Variants in ANXA13 observed in about 807,000 individuals in gnomAD.
The protein encoded by ANXA13 is annexin XIII.
ANXA13 carries 36 observed loss-of-function variants against 46.6 expected under a neutral mutation model. The observed-to-expected ratio is 0.77, with a 90% CI of 0.59 to 1.02. ANXA13 has a LOEUF of 1.02. Ranked by LOEUF, ANXA13 falls within the 50% of genes least tolerant of loss-of-function variation. The probability of loss-of-function intolerance (pLI) is 0.00; values close to 1 mark genes in which losing one functional copy is unlikely to be tolerated. For missense variants in ANXA13, 417 were observed against 396.5 expected (o/e 1.05, Z -0.44); for synonymous variants, 163 against 152.9 (o/e 1.07, Z -0.49).
chr8:123,695,726 G>C lies in ANXA13; in HGVS notation c.358-5C>G. On this transcript the variant is annotated splice_region_variant and splice_polypyrimidine_tract_variant and intron_variant, in intron 4 of 10. Coordinates refer to ENST00000419625, the MANE Select transcript of ANXA13 (RefSeq NM_004306.4). The stretch of plus-strand genomic sequence containing the variant: ...CTCTTTAATGGCGATGATTTCCTAG[G>C]GAAGGTAATTTACAAAAAAATCAAT... 1 of 1,611,852 alleles carries C rather than the reference G, an allele frequency of 6.2e-7. No homozygotes were observed. Among genetic ancestry groups the C allele is most frequent in the African/African-American group, 1.3e-5 (1 of 74,914 alleles).
chr8:123,715,621 G>C (rs1813745768), intron 1 of ANXA13, among the ~76,000 whole-genome samples: 2 of 152,230 alleles, frequency 1.3e-5, no homozygotes, highest in African/African-American at 4.8e-5. Flanking sequence ...TGAGGCCCTG[G>C]CTGAGGGGCT....
intron 1 of ANXA13, among the ~76,000 whole-genome samples, chr8:123,718,846 T>C (rs1813807017): frequency 6.6e-6 from 1 of 152,248 alleles, no homozygotes; most frequent in African/African-American, 2.4e-5. Flanking sequence ...CTCAGGGATG[T>C]TCCTGCTGCA....
intron 4 of ANXA13, among the ~76,000 whole-genome samples, chr8:123,697,366 G>A (rs1021134336): frequency 1.3e-5 from 2 of 152,140 alleles, no homozygotes; most frequent in Admixed American, 6.5e-5. Flanking sequence ...ACACTCCCGG[G>A]GGGCCTGTGC....
intron 1 of ANXA13, among the ~76,000 whole-genome samples, chr8:123,716,829 G>A (rs1359884376): frequency 6.6e-6 from 1 of 152,136 alleles, no homozygotes; most frequent in African/African-American, 2.4e-5. Flanking sequence ...CCTATCCAGA[G>A]ATTTAGTTTT....
intron 4 of ANXA13, among the ~76,000 whole-genome samples, 191 bp from the exon 5 acceptor site, chr8:123,695,912 C>A (rs1052353753): frequency 5.6e-5 from 8 of 143,490 alleles, no homozygotes; most frequent in Middle Eastern, 7.1e-3. Flanking sequence ...GCCCGCCCCC[C>A]CCCCACTCCG....
chr8:123,728,763 A>C (rs1288482087), intron 1 of ANXA13: 2 of 152,206 alleles, frequency 1.3e-5, no homozygotes, highest in African/African-American at 4.8e-5. Context: ...AATGAATGTT[A>C]TTCTTTCCCT....
rs757903621 is a variant in ANXA13, at chr8:123,698,451, T to G, written c.295A>C (p.Met99Leu). The G allele has an allele frequency of 1.2e-6, 2 of 1,614,062 alleles. No individual in the cohort carries two copies. The highest frequency in any genetic ancestry group is 1.7e-6 in the Non-Finnish European group (2 of 1,180,030). The change falls in exon 4 of 11, where the codon ATG becomes CTG. Residue 99 changes from methionine (M) to leucine (L), a missense_variant. Physicochemically the swap from Met to Leu is conservative, Grantham distance 15. Transcript: ENST00000419625. ...EYAARQLQKAMKGLGTDESVL... is the reference protein window; with the variant it reads ...EYAARQLQKALKGLGTDESVL... The stretch of plus-strand genomic sequence containing the variant: ...GACTCATCTGTGCCCAGACCCTTCA[T>G]AGCCTTCTGCAGCTGCCGGGCGGCG...
intron 1 of ANXA13, among the ~76,000 whole-genome samples, chr8:123,714,592 C>T (rs939657209): frequency 6.6e-5 from 10 of 152,176 alleles, no homozygotes; most frequent in African/African-American, 2.4e-4. Flanking sequence ...CCTTGCGATC[C>T]AAAGTGTCCT....
intron 1 of ANXA13, 21 bp from the exon 2 acceptor site, chr8:123,712,774 G>T (rs1420222647): frequency 1.8e-5 from 29 of 1,610,644 alleles, no homozygotes; most frequent in Non-Finnish European, 2.5e-5. Flanking sequence ...TAATTGAAAA[G>T]GTGAGATGAC....
chr8:123,725,942 G>A (rs1413989017), intron 1 of ANXA13, among the ~76,000 whole-genome samples: 1 of 152,172 alleles, frequency 6.6e-6, no homozygotes, highest in East Asian at 1.9e-4. Flanking sequence ...ATGTTACAGA[G>A]TTGTTCATTG....
intron 1 of ANXA13, chr8:123,735,738 G>A (rs771114559): frequency 7.5e-6 from 12 of 1,604,582 alleles, no homozygotes; most frequent in Non-Finnish European, 1.0e-5. Flanking sequence ...GATTTGGGGG[G>A]AAAATAAAGT....
intron 1 of ANXA13, among the ~76,000 whole-genome samples, chr8:123,733,466 G>A (rs569050758): frequency 3.2e-4 from 48 of 152,146 alleles, no homozygotes; most frequent in Non-Finnish European, 3.5e-4. Context: ...CTTTGTCCAC[G>A]TTCATCTGAG....
rs570780266 is a variant in ANXA13 at position 123,730,211 on chromosome 8, C to T, written c.15+7109G>A. Among the ~76,000 whole-genome samples the T allele has an allele frequency of 2.4e-4, 36 of 152,320 alleles. No homozygotes were observed. The South Asian group carries it at 7.2e-3, about 31-fold the overall frequency. On this transcript the variant is annotated intron_variant, in intron 1 of 10. Transcript: ENST00000419625. ...TTCTCTCCAAGCCCTTCTCCACTAGCTTCCAGCATGGTCTAGCTAAAAGCA... is the reference window on the plus strand; with the variant it reads ...TTCTCTCCAAGCCCTTCTCCACTAGTTTCCAGCATGGTCTAGCTAAAAGCA...
rs993757734 is a variant in ANXA13, at chr8:123,695,499, T to TA, written c.471+2dup. 2 of 1,612,552 alleles carry TA rather than the reference T, an allele frequency of 1.2e-6. No homozygotes were observed. The highest frequency in any genetic ancestry group is 8.5e-7 in the Non-Finnish European group (1 of 1,178,636). On this transcript the variant is annotated splice_region_variant and intron_variant, in intron 6 of 10. Coordinates refer to ENST00000419625, the MANE Select transcript of ANXA13 (RefSeq NM_004306.4). ...AAAACAGGTGACACCTCTTTCCTCT[T>TA]ACCTGCAGCAGAGACACCAGGATTT...
In ANXA13 at chr8:123,722,576, A is replaced by G. The variant is rs368209668; in HGVS notation, c.16-9823T>C. On this transcript the variant is annotated intron_variant, in intron 1 of 10. Transcript: ENST00000419625. The stretch of plus-strand genomic sequence containing the variant: ...ATGAAGTCACCGCTATTTGCAAGGC[A>G]AAACAGACAGCCATCTCCCAGTGAG... 4.1e-4 allele frequency among the ~76,000 whole-genome samples: 63 copies of G among 152,348 alleles called. No individual in the cohort carries two copies. In the South Asian group the frequency reaches 0.013, roughly 32 times the overall value.
At position 123,707,350 on chromosome 8, in the gene ANXA13, C is replaced by T. The variant is rs896092265; in HGVS notation, c.92-4614G>A. Among the ~76,000 whole-genome samples the T allele has an allele frequency of 1.4e-4, 21 of 152,120 alleles. 1 individual carries two copies. The highest frequency in any genetic ancestry group is 9.8e-4 in the Admixed American group (15 of 15,296). ...ATACTCTGATGCCACATGGAGTCCA[C>T]AACTGGATAATCAGGAAAATGAAAT... On this transcript the variant is annotated intron_variant, in intron 2 of 10. Transcript: ENST00000419625.
chr8:123,686,494 A>AAAG (rs1485027014), intron 9 of ANXA13, among the ~76,000 whole-genome samples: 5 of 142,182 alleles, frequency 3.5e-5, no homozygotes, highest in Non-Finnish European at 7.9e-5. Flanking sequence ...AAGAAAGAAA[A>AAAG]AAACCTCTTC....
intron 2 of ANXA13, among the ~76,000 whole-genome samples, chr8:123,705,828 T>A (rs1459561263): frequency 1.3e-5 from 2 of 151,380 alleles, no homozygotes; most frequent in Admixed American, 1.3e-4. Flanking sequence ...GGAGATGGGG[T>A]AGAGAAAAAA....
intron 1 of ANXA13, among the ~76,000 whole-genome samples, chr8:123,732,926 A>G (rs940778717): frequency 6.6e-6 from 1 of 152,110 alleles, no homozygotes; most frequent in Non-Finnish European, 1.5e-5. Flanking sequence ...TAATCCCAGA[A>G]CTTTGGGAGG....
Sources: gnomAD v4.1 joint callset for allele counts (sites outside exome capture counted in the v4.1 genomes callset) on GRCh38, gnomAD v4.1.1 for gene constraint, MANE v1.5 for transcripts, NCBI Gene and HGNC (gene_info 2026-07-23, HGNC 2026-07-21) for gene names.